Variants in MAP2K4 observed in about 807,000 individuals in gnomAD.
MAP2K4 encodes dual specificity mitogen-activated protein kinase kinase 4.
In MAP2K4, 4 loss-of-function variants were observed where a neutral mutation model predicts 48.5. The ratio of observed to expected loss-of-function variants is 0.08; its 90% confidence interval spans 0.04 to 0.19. MAP2K4 has a LOEUF of 0.19. Among genes scored for constraint, MAP2K4 ranks in the 10% least tolerant of loss-of-function variants. The pLI is 1.00. For missense variants in MAP2K4, 258 were observed against 493.3 expected (o/e 0.52, Z 4.52); for synonymous variants, 166 against 173.1 (o/e 0.96, Z 0.32).
intron 9 of MAP2K4, among the ~76,000 whole-genome samples, chr17:12,136,670 A>G (rs993771741): frequency 3.2e-5 from 2 of 62,800 alleles, no homozygotes; most frequent in East Asian, 7.8e-4. Flanking sequence ...TAATTCAGAA[A>G]AAGAAGACAG....
rs116355716 is a variant in MAP2K4, at chr17:12,087,847, C to T, written c.393+6317C>T. 4.5e-3 allele frequency among the ~76,000 whole-genome samples: 688 copies of T among 152,054 alleles called. 10 individuals carry two copies. The highest frequency in any genetic ancestry group is 0.016 in the African/African-American group (660 of 41,466). On this transcript the variant is annotated intron_variant, in intron 3 of 10. Transcript: ENST00000353533. ...AGCATTCTAGATAATTTGCTTGCTTCTTTTGCTGTTTGTTTTGGTTAATGT... is the reference window on the plus strand; with the variant it reads ...AGCATTCTAGATAATTTGCTTGCTTTTTTTGCTGTTTGTTTTGGTTAATGT...
chr17:12,027,560 T>C (rs562789850), intron 1 of MAP2K4, among the ~76,000 whole-genome samples: 8 of 152,142 alleles, frequency 5.3e-5, no homozygotes, highest in South Asian at 2.1e-4. Flanking sequence ...ACCAGACATA[T>C]ATATCTGAGA....
At position 12,081,856 on chromosome 17, in the gene MAP2K4, C is replaced by A; in HGVS notation, c.393+326C>A. 1 of 536,188 alleles carries A rather than the reference C, an allele frequency of 1.9e-6. No homozygotes were observed. Among genetic ancestry groups the A allele is most frequent in the Admixed American group, 2.0e-5 (1 of 49,732 alleles). The allele number at this position is 536,188 out of a possible 1,614,324, so 33.2% of individuals were successfully genotyped here. A position where few individuals can be genotyped will look rare whatever the true frequency, so the allele number is the denominator to read the frequency against. On this transcript the variant is annotated intron_variant, in intron 3 of 10. Transcript: ENST00000353533. This position sits in a 1 kb window ranked among gnomAD's most constrained non-coding sequence, Gnocchi z 4.2. Reference sequence around the variant, plus strand: ...CACCCCTGGGAGCAGGGCAGTGCTGCACTGAGCCAGGCGGGAGCTGGAAGA... The same window carrying A: ...CACCCCTGGGAGCAGGGCAGTGCTGAACTGAGCCAGGCGGGAGCTGGAAGA...
chr17:12,113,541 T>C (rs1490542759), intron 7 of MAP2K4, among the ~76,000 whole-genome samples, 181 bp downstream of exon 7: 3 of 152,224 alleles, frequency 2.0e-5, no homozygotes, highest in Non-Finnish European at 4.4e-5. Context: ...CCCAGTCAGC[T>C]CCTGTTTTCA....
intron 2 of MAP2K4, among the ~76,000 whole-genome samples, chr17:12,077,115 A>G (rs1971037518): frequency 6.6e-6 from 1 of 152,226 alleles, no homozygotes; most frequent in South Asian, 2.1e-4. Context: ...CTGCATGTTC[A>G]GAGAAACTTC....
chr17:12,094,077 C>A (rs953748609), intron 3 of MAP2K4, among the ~76,000 whole-genome samples: 6 of 152,108 alleles, frequency 3.9e-5, no homozygotes, highest in Admixed American at 1.3e-4. Flanking sequence ...GGGAAACTTT[C>A]CTTAACGTTA....
At chr17:12,093,514 A>G (rs1971633387) in intron 3 of MAP2K4, among the ~76,000 whole-genome samples, 1 of 152,218 alleles carries the variant, frequency 6.6e-6, no homozygotes, top group Non-Finnish European at 1.5e-5. Context: ...TTCCTAGTTG[A>G]AATATAAATA....
intron 1 of MAP2K4, among the ~76,000 whole-genome samples, chr17:12,035,966 T>A (rs934806186): frequency 6.6e-6 from 1 of 152,158 alleles, no homozygotes; most frequent in African/African-American, 2.4e-5. Flanking sequence ...TCAGTGGAGT[T>A]TTATTGGAGA....
chr17:12,120,004 C>T (rs559425595), intron 7 of MAP2K4, among the ~76,000 whole-genome samples: 33 of 152,232 alleles, frequency 2.2e-4, no homozygotes, highest in African/African-American at 7.0e-4. Flanking sequence ...CTGGGGCCTA[C>T]TTGAGTGTGG....
intron 4 of MAP2K4, among the ~76,000 whole-genome samples, chr17:12,102,912 A>T (rs1299749639): frequency 6.6e-6 from 1 of 150,970 alleles, no homozygotes; most frequent in Non-Finnish European, 1.5e-5. Flanking sequence ...CTTGTTTCTG[A>T]TACTGGTAAT....
intron 4 of MAP2K4, among the ~76,000 whole-genome samples, chr17:12,097,375 T>G (rs1451344800): frequency 6.6e-6 from 1 of 152,262 alleles, no homozygotes; most frequent in Admixed American, 6.5e-5. Context: ...ATTTGTTCAT[T>G]TATTTAATCA....
chr17:12,136,976 A>T (rs1567677711), intron 9 of MAP2K4, among the ~76,000 whole-genome samples: 1 of 152,184 alleles, frequency 6.6e-6, no homozygotes, highest in African/African-American at 2.4e-5. Context: ...ATGGTACTAC[A>T]CAATGACAAG....
intron 4 of MAP2K4, among the ~76,000 whole-genome samples, chr17:12,098,153 T>C (rs1226721298): frequency 6.6e-6 from 1 of 152,100 alleles, no homozygotes; most frequent in Non-Finnish European, 1.5e-5. Flanking sequence ...GAGTGAATAG[T>C]AAAAGTGTAT....
intron 1 of MAP2K4, among the ~76,000 whole-genome samples, chr17:12,042,463 T>C (rs1308832494): frequency 1.3e-5 from 2 of 151,886 alleles, no homozygotes; most frequent in Admixed American, 1.3e-4. Context: ...CTGGGCAACA[T>C]GGTGAAACCC....
At position 12,040,516 on chromosome 17, in the gene MAP2K4, A is replaced by G. The variant is rs548668697; in HGVS notation, c.116-14373A>G. Among the ~76,000 whole-genome samples, 44 of 152,336 alleles carry G rather than the reference A, an allele frequency of 2.9e-4. No individual in the cohort carries two copies. In the South Asian group the frequency reaches 4.8e-3, roughly 17 times the overall value. ...GGCTCATTAATCTTTGCAGATAATC[A>G]AAAGCCACGTCAAGTAATAAGACGT... On this transcript the variant is annotated intron_variant, in intron 1 of 10. Transcript: ENST00000353533.
At chr17:12,127,569 A>G (rs1972892456) in intron 8 of MAP2K4, among the ~76,000 whole-genome samples, 1 of 152,216 alleles carries the variant, frequency 6.6e-6, no homozygotes, top group Admixed American at 6.5e-5. Context: ...CAGTTGGTTC[A>G]TAATTTATTT....
At position 12,141,150 on chromosome 17, in the gene MAP2K4, C is replaced by G; in HGVS notation, c.1090C>G (p.His364Asp). ...TTTGTTTTCAATTTTCTTGCAGAAACATCCCTTTATTTTGATGTATGAAGA... is the reference window on the plus strand; with the variant it reads ...TTTGTTTTCAATTTTCTTGCAGAAAGATCCCTTTATTTTGATGTATGAAGA... ...KRPKYKELLK[H>D]PFILMYEERA... The change falls in exon 11 of 11, where the codon CAT becomes GAT. Residue 364 changes from histidine to aspartate, a missense_variant. Physicochemically the swap from His to Asp is moderately conservative, Grantham distance 81 (BLOSUM62 -1). Coordinates refer to ENST00000353533, the MANE Select transcript of MAP2K4 (RefSeq NM_003010.4). The G allele has an allele frequency of 6.2e-7, 1 of 1,601,974 alleles. No homozygotes were observed. Among genetic ancestry groups the G allele is most frequent in the Non-Finnish European group, 8.6e-7 (1 of 1,169,142 alleles).
chr17:12,051,990 A>G (rs989995772), intron 1 of MAP2K4, among the ~76,000 whole-genome samples: 1 of 151,250 alleles, frequency 6.6e-6, no homozygotes, highest in Non-Finnish European at 1.5e-5. Context: ...TGTAAAAGCT[A>G]TTTTTCTACT....
chr17:12,032,371 C>A, intron 1 of MAP2K4: 1 of 696,100 alleles, frequency 1.4e-6, no homozygotes, highest in South Asian at 4.9e-5. Context: ...AATGTGTCCA[C>A]TATTGTTTCA....
Sources: allele counts gnomAD v4.1 joint callset (sites outside exome capture counted in the v4.1 genomes callset), GRCh38; gene constraint gnomAD v4.1.1; non-coding constraint Gnocchi (gnomAD v3.1); transcripts MANE v1.5; gene names NCBI Gene and HGNC (gene_info 2026-07-23, HGNC 2026-07-21).